GRIK5: variants seen among roughly 807,000 people sequenced by gnomAD.
The protein encoded by GRIK5 is glutamate receptor ionotropic, kainate 5.
GRIK5 carries 43 observed loss-of-function variants against 97.4 expected under a neutral mutation model. The observed-to-expected ratio is 0.44, with a 90% confidence interval of 0.35 to 0.57. The LOEUF is 0.57. Among genes scored for constraint, GRIK5 ranks in the 20% least tolerant of loss-of-function variants. The pLI is 0.01. For missense variants in GRIK5, 1,015 were observed against 1,382.0 expected, an observed-to-expected ratio of 0.73 and a Z score of 4.21; for synonymous variants, 580 against 583.5, an observed-to-expected ratio of 0.99 and a Z score of 0.09.
Position 42,021,982 on chromosome 19 carries a change from G to A in GRIK5, c.1662C>T (p.Tyr554=), listed in dbSNP as rs748451126. Residue 554 remains tyrosine, a synonymous_variant, in exon 14 of 20, where the codon TAC becomes TAT. Transcript: ENST00000593562. The surrounding 1 kb of genome is among the most constrained non-coding windows in gnomAD (Gnocchi z 4.2). ...PAVWLFMLLA[Y]LAVSCVLFLA... ...GAAACAGGACGCAGCTGACAGCCAG[G>A]TAGGCAAGAAGCATGAAGAGCCACA... 1 of 1,613,874 alleles carries A rather than the reference G, an allele frequency of 6.2e-7. No homozygotes were observed. The highest frequency in any genetic ancestry group is 1.1e-5 in the South Asian group (1 of 91,050).
At position 42,065,096 on chromosome 19, in the gene GRIK5, A is replaced by G; in HGVS notation, c.244+127T>C. The stretch of plus-strand genomic sequence containing the variant: ...CCATGTCTGGGAAGAAGGCAGAGAC[A>G]AACACAAAGAAGGGGGAGGATGGAG... On this transcript the variant is annotated intron_variant, in intron 3 of 19. Transcript: ENST00000593562. This position sits in a 1 kb window ranked among gnomAD's most constrained non-coding sequence, Gnocchi z 5.8. 1.2e-6 allele frequency: 1 copy of G among 819,246 alleles called. No homozygotes were observed. The highest frequency in any genetic ancestry group is 1.9e-6 in the Non-Finnish European group (1 of 529,604). 50.7% of individuals were successfully genotyped at this position (819,246 alleles called of 1,614,324 possible). A position where few individuals can be genotyped will look rare whatever the true frequency, so the allele number is the denominator to read the frequency against.
In GRIK5 at chr19:42,059,452, T is replaced by C. The variant is rs139897056; in HGVS notation, c.584A>G (p.Asp195Gly). ...KETLSVRMLD[D>G]SRDPTPLLKE... is the part of the protein sequence containing the mutation. ...GAGCAGTGGTGTGGGGTCCCGGCTG[T>C]CGTCCAACATCCTCACTGACAGCGT... The change falls in exon 6 of 20, where the codon GAC (aspartate) becomes GGC (glycine). Residue 195 changes from aspartate (D) to glycine (G), a missense_variant. By Grantham distance (94) the Asp-to-Gly change is moderately conservative (BLOSUM62 -1). Coordinates refer to ENST00000593562, the MANE Select transcript of GRIK5 (RefSeq NM_002088.5). 458 of 1,613,796 alleles carry C rather than the reference T, an allele frequency of 2.8e-4. No individual in the cohort carries two copies. The highest frequency in any genetic ancestry group is 6.7e-5 in the African/African-American group (5 of 74,882).
intron 6 of GRIK5, among the ~76,000 whole-genome samples, chr19:42,057,979 T>C (rs2146159623): frequency 6.6e-6 from 1 of 152,108 alleles, no homozygotes; most frequent in African/African-American, 2.4e-5. Context: ...TCTCATCACG[T>C]GGGTGTCAGG....
In GRIK5 at chr19:42,003,701, G is replaced by A. The variant is rs1280819625; in HGVS notation, c.2264-18C>T. On this transcript the variant is annotated intron_variant, in intron 17 of 19. Coordinates refer to ENST00000593562, the MANE Select transcript of GRIK5 (RefSeq NM_002088.5). The surrounding 1 kb of genome is among the most constrained non-coding windows in gnomAD (Gnocchi z 4.2). ...CGGGGAGCCTGGGCAGGCACACGAG[G>A]GGCTGGACCAGCCATCGGGCCCTGC... The A allele has an allele frequency of 9.4e-6, 15 of 1,596,600 alleles. No individual in the cohort carries two copies. Among genetic ancestry groups the A allele is most frequent in the Non-Finnish European group, 1.3e-5 (15 of 1,171,280 alleles).
At chr19:42,038,634 G>A (rs1329035321) in intron 12 of GRIK5, among the ~76,000 whole-genome samples, 3 of 152,228 alleles carry the variant, frequency 2.0e-5, no homozygotes, top group Non-Finnish European at 4.4e-5. Context: ...TGGAGGGCTG[G>A]AAAGGGCACG....
intron 15 of GRIK5, among the ~76,000 whole-genome samples, chr19:42,014,432 A>G (rs1298885723): frequency 6.6e-6 from 1 of 152,106 alleles, no homozygotes; most frequent in African/African-American, 2.4e-5. Context: ...ATCTGGCCCA[A>G]TGCAGAAAAA....
chr19:42,005,835 G>A lies in GRIK5; in HGVS notation c.2151C>T (p.Tyr717=), dbSNP rs144064579. 5.6e-5 allele frequency: 90 copies of A among 1,613,232 alleles called. 2 individuals are homozygous for A. The African/African-American group carries it at 9.9e-4, about 18-fold the overall frequency. The change falls in exon 17 of 20, where the codon TAC becomes TAT. Residue 717 remains tyrosine, a synonymous_variant. Coordinates refer to ENST00000593562, the MANE Select transcript of GRIK5 (RefSeq NM_002088.5). ...TCATGGTGGACTCGAGCAGGAAGGC[G>A]TAGCGGGAGTTGAGGACGCGGGCAA... ...EGIARVLNSR[Y]AFLLESTMNE...
intron 11 of GRIK5, among the ~76,000 whole-genome samples, chr19:42,045,444 C>T (rs577630881): frequency 2.2e-4 from 34 of 152,324 alleles, no homozygotes; most frequent in African/African-American, 7.7e-4. Flanking sequence ...TGAATGCTGC[C>T]GCAGTGTGCC....
In GRIK5 at chr19:42,069,367, G is replaced by A. The variant is rs565293690; in HGVS notation, c.-177C>T. Reference sequence around the variant, plus strand: ...GGCAGTCCACAGGGCCCCCTCCCCCGCCGCCGGTGGTGGCTCCCAACTAAT... The same window carrying A: ...GGCAGTCCACAGGGCCCCCTCCCCCACCGCCGGTGGTGGCTCCCAACTAAT... On this transcript the variant is annotated 5_prime_UTR_variant, in exon 1 of 20. Transcript: ENST00000593562. The A allele has an allele frequency of 1.5e-3, 239 of 155,838 alleles. 1 individual carries two copies. Among genetic ancestry groups the A allele is most frequent in the Admixed American group, 3.5e-3 (53 of 15,320 alleles). 9.7% of individuals were successfully genotyped at this position (155,838 alleles called of 1,614,324 possible). A position where few individuals can be genotyped will look rare whatever the true frequency, so the allele number is the denominator to read the frequency against.
At position 42,003,777 on chromosome 19, in the gene GRIK5, C is replaced by T. The variant is rs1325628298; in HGVS notation, c.2264-94G>A. ...CTGTGCCCTCACCACGGCCTTCCCCCGCCTCTACCACGTGCCCAGGGTCTT... is the reference window on the plus strand; with the variant it reads ...CTGTGCCCTCACCACGGCCTTCCCCTGCCTCTACCACGTGCCCAGGGTCTT... On this transcript the variant is annotated intron_variant, in intron 17 of 19. Coordinates refer to ENST00000593562, the MANE Select transcript of GRIK5 (RefSeq NM_002088.5). The surrounding 1 kb of genome is among the most constrained non-coding windows in gnomAD (Gnocchi z 4.2). 1.1e-5 allele frequency: 15 copies of T among 1,375,006 alleles called. No individual in the cohort carries two copies. The highest frequency in any genetic ancestry group is 5.5e-5 in the Admixed American group (2 of 36,444). 85.2% of individuals were successfully genotyped at this position (1,375,006 alleles called of 1,614,324 possible). A position where few individuals can be genotyped will look rare whatever the true frequency, so the allele number is the denominator to read the frequency against.
rs1555871669 is a variant in GRIK5 at position 42,003,636 on chromosome 19, C to G, written c.2311G>C (p.Glu771Gln). The G allele has an allele frequency of 6.2e-7, 1 of 1,613,798 alleles. No individual in the cohort carries two copies. Among genetic ancestry groups the G allele is most frequent in the Non-Finnish European group, 8.5e-7 (1 of 1,179,834 alleles). ...EITLAILQLQ[E>Q]NNRLEILKRK... The stretch of plus-strand genomic sequence containing the variant: ...TTCAGGATCTCCAGCCGGTTGTTCT[C>G]CTGAAGCTGCAGGATGGCCAGTGTG... The change falls in exon 18 of 20, where the codon GAG becomes CAG. Residue 771 changes from glutamate to glutamine, a missense_variant. Glu to Gln is a conservative substitution (Grantham distance 29, BLOSUM62 2). Coordinates refer to ENST00000593562, the MANE Select transcript of GRIK5 (RefSeq NM_002088.5). This position sits in a 1 kb window ranked among gnomAD's most constrained non-coding sequence, Gnocchi z 4.2.
In GRIK5 at chr19:42,002,094, T is replaced by C; in HGVS notation, c.2514+1238A>G. ...GAAGCCCACTGCTACCTCATATACA[T>C]GAGGCCTGAGACCGGGAATTTCAGA... On this transcript the variant is annotated intron_variant, in intron 19 of 19. Transcript: ENST00000593562. This position sits in a 1 kb window ranked among gnomAD's most constrained non-coding sequence, Gnocchi z 5.2. 1.4e-6 allele frequency: 1 copy of C among 713,032 alleles called. No homozygotes were observed. The highest frequency in any genetic ancestry group is 2.6e-6 in the Non-Finnish European group (1 of 382,848). 44.2% of individuals were successfully genotyped at this position (713,032 alleles called of 1,614,324 possible).
intron 15 of GRIK5, among the ~76,000 whole-genome samples, chr19:42,011,912 G>A (rs2075567387): frequency 6.6e-6 from 1 of 152,154 alleles, no homozygotes; most frequent in South Asian, 2.1e-4. Context: ...AGTCGTGTTC[G>A]TGCCACTGCA....
intron 12 of GRIK5, among the ~76,000 whole-genome samples, chr19:42,023,289 T>G (rs2075725675): frequency 6.6e-6 from 1 of 151,972 alleles, no homozygotes; most frequent in Non-Finnish European, 1.5e-5. Context: ...TGAAGCATCA[T>G]CCAGAGGCGG....
chr19:42,056,793 C>T lies in GRIK5; in HGVS notation c.772G>A (p.Val258Met). 6.2e-7 allele frequency: 1 copy of T among 1,614,094 alleles called. No individual in the cohort carries two copies. The highest frequency in any genetic ancestry group is 8.5e-7 in the Non-Finnish European group (1 of 1,180,008). The change falls in exon 8 of 20, where the codon GTG becomes ATG. Residue 258 changes from valine (V) to methionine (M), a missense_variant. Transcript: ENST00000593562. ...DFPILHLDGI[V>M]EDSSNILGFS... ...CCCAGGATGTTGGAGGAGTCCTCCA[C>T]AATACCGTCCAGATGCAGGATGGGG...
intron 17 of GRIK5, among the ~76,000 whole-genome samples, chr19:42,004,260 G>A (rs999750102): frequency 1.8e-4 from 28 of 152,056 alleles, no homozygotes; most frequent in Admixed American, 1.2e-3. Flanking sequence ...CATCCAGTGC[G>A]GGACTTGGCA....
intron 15 of GRIK5, among the ~76,000 whole-genome samples, chr19:42,019,321 T>G (rs1478159298): frequency 2.0e-5 from 3 of 152,172 alleles, no homozygotes. Flanking sequence ...GTTTCTGCCT[T>G]TAGGACTCAA....
rs2076280413 is a variant in GRIK5, at chr19:42,062,939, C to T, written c.245-84G>A. 3.9e-6 allele frequency: 4 copies of T among 1,031,780 alleles called. No homozygotes were observed. In the Admixed American group the frequency reaches 7.3e-5, roughly 19 times the overall value. 63.9% of individuals were successfully genotyped at this position (1,031,780 alleles called of 1,614,324 possible). A position where few individuals can be genotyped will look rare whatever the true frequency, so the allele number is the denominator to read the frequency against. ...CATCCCTCAGGGAGCCGCCATGGCC[C>T]AGGAGAGGATCAGACACTGGCAACT... On this transcript the variant is annotated intron_variant, in intron 3 of 19. Transcript: ENST00000593562. This position sits in a 1 kb window ranked among gnomAD's most constrained non-coding sequence, Gnocchi z 5.3.
intron 12 of GRIK5, among the ~76,000 whole-genome samples, chr19:42,031,903 TG>T (rs750617075): frequency 1.1e-4 from 16 of 152,160 alleles, no homozygotes; most frequent in Admixed American, 6.5e-4. Context: ...GAGGCCAAAA[TG>T]GGTGAACCAC....
Sources: gnomAD v4.1 joint callset for allele counts (sites outside exome capture counted in the v4.1 genomes callset) on GRCh38, gnomAD v4.1.1 for gene constraint, Gnocchi (gnomAD v3.1) non-coding constraint, MANE v1.5 for transcripts, NCBI Gene and HGNC (gene_info 2026-07-23, HGNC 2026-07-21) for gene names.